Variants in FBXL7 observed in about 807,000 individuals in gnomAD.
FBXL7 encodes F-box/LRR-repeat protein 7.
Under a neutral mutation model 38.3 loss-of-function variants are expected in FBXL7, and 12 were observed. That is an observed-to-expected ratio of 0.31 (90% CI 0.20 to 0.51). FBXL7 has a LOEUF of 0.51. Among genes scored for constraint, FBXL7 ranks in the 20% least tolerant of loss-of-function variants. The pLI, the probability that FBXL7 is intolerant of heterozygous loss-of-function variation, is 0.98. For missense variants in FBXL7, 567 were observed against 676.4 expected (o/e 0.84, Z 1.79); for synonymous variants, 297 against 300.9 (o/e 0.99, Z 0.13).
intron 2 of FBXL7, among the ~76,000 whole-genome samples, chr5:15,875,899 T>G (rs1740182501): frequency 6.6e-6 from 1 of 152,210 alleles, no homozygotes; most frequent in Admixed American, 6.6e-5. Context: ...ATCCCATTAC[T>G]GGGTATATAC....
intron 1 of FBXL7, among the ~76,000 whole-genome samples, chr5:15,537,058 G>A (rs1737607422): frequency 2.6e-5 from 4 of 152,298 alleles, no homozygotes; most frequent in African/African-American, 9.6e-5. Context: ...TGCCTTGTAA[G>A]TCATGCCTTG....
At chr5:15,553,176 AG>A (rs1316374118) in intron 1 of FBXL7, among the ~76,000 whole-genome samples, 1 of 151,846 alleles carries the variant, frequency 6.6e-6, no homozygotes, top group East Asian at 1.9e-4. Context: ...TTTGGACCCC[AG>A]CCCTCTTGTC....
intron 2 of FBXL7, among the ~76,000 whole-genome samples, chr5:15,806,635 C>G (rs1237042050): frequency 1.3e-5 from 2 of 152,080 alleles, no homozygotes; most frequent in African/African-American, 4.8e-5. Flanking sequence ...AGGTATAAAA[C>G]AGGGCTTTTC....
chr5:15,776,927 A>G (rs1736870957), intron 2 of FBXL7, among the ~76,000 whole-genome samples: 1 of 152,132 alleles, frequency 6.6e-6, no homozygotes, highest in Non-Finnish European at 1.5e-5. Flanking sequence ...ATATCTTAAT[A>G]TAACACTGTG....
At chr5:15,516,062 T>C (rs1736927934) in intron 1 of FBXL7, among the ~76,000 whole-genome samples, 1 of 152,160 alleles carries the variant, frequency 6.6e-6, no homozygotes, top group Non-Finnish European at 1.5e-5. Context: ...GTCTGTAAAT[T>C]AACTCAAAAT....
rs145747974 is a variant in FBXL7, at chr5:15,535,270, T to C, written c.37+34557T>C. ...ATTGTTACAAGGAATGGGGTACTGCTATAAAGATAACCTGAAAATGTGGAA... is the reference window on the plus strand; with the variant it reads ...ATTGTTACAAGGAATGGGGTACTGCCATAAAGATAACCTGAAAATGTGGAA... On this transcript the variant is annotated intron_variant, in intron 1 of 3. Coordinates refer to ENST00000504595, the MANE Select transcript of FBXL7 (RefSeq NM_012304.5). 2.9e-3 allele frequency among the ~76,000 whole-genome samples: 436 copies of C among 152,302 alleles called. 1 individual carries two copies. Among genetic ancestry groups the C allele is most frequent in the Non-Finnish European group, 4.0e-3 (275 of 68,036 alleles).
intron 2 of FBXL7, among the ~76,000 whole-genome samples, chr5:15,775,844 G>A (rs893151655): frequency 1.3e-5 from 2 of 152,126 alleles, no homozygotes; most frequent in African/African-American, 4.8e-5. Context: ...TTATTCTCCT[G>A]CACTCCATTC....
intron 2 of FBXL7, among the ~76,000 whole-genome samples, chr5:15,690,346 C>T (rs17704215): frequency 0.25 from 37,443 of 152,130 alleles, 5,548 homozygotes; most frequent in South Asian, 0.38. Flanking sequence ...TCAAAATTCT[C>T]CAGTTAACAC....
chr5:15,901,262 T>C (rs1741226536), intron 2 of FBXL7, among the ~76,000 whole-genome samples: 2 of 152,178 alleles, frequency 1.3e-5, no homozygotes. Context: ...TGGTGCCTGG[T>C]GGGGGCCTGC....
rs151291144 is a variant in FBXL7 at position 15,519,447 on chromosome 5, A to C, written c.37+18734A>C. Among the ~76,000 whole-genome samples, 205 of 145,568 alleles carry C rather than the reference A, an allele frequency of 1.4e-3. 3 individuals carry two copies. The East Asian group carries it at 0.029, about 21-fold the overall frequency. ...ATTCTGCCAGAGACTTAGAAAACAA[A>C]AAAAAAAAACAAACAAACAAACAAA... On this transcript the variant is annotated intron_variant, in intron 1 of 3. Transcript: ENST00000504595.
chr5:15,663,496 C>T (rs149121413), intron 2 of FBXL7, among the ~76,000 whole-genome samples: 5 of 152,106 alleles, frequency 3.3e-5, no homozygotes, highest in African/African-American at 4.8e-5. Flanking sequence ...AGGTATATTC[C>T]TTCGATGCCT....
At chr5:15,528,937 A>G (rs1354509714) in intron 1 of FBXL7, among the ~76,000 whole-genome samples, 1 of 152,206 alleles carries the variant, frequency 6.6e-6, no homozygotes, top group Admixed American at 6.5e-5. Flanking sequence ...CTGTTATAAG[A>G]ACATAAAATC....
rs541799940 is a variant in FBXL7 at position 15,823,257 on chromosome 5, G to A, written c.128-104633G>A. ...AACCAGACACTCCACTGAGTCCAAT[G>A]TGTGTCAACAGGGAATATCTATTAG... On this transcript the variant is annotated intron_variant, in intron 2 of 3. Coordinates refer to ENST00000504595, the MANE Select transcript of FBXL7 (RefSeq NM_012304.5). Among the ~76,000 whole-genome samples, 12 of 152,280 alleles carry A rather than the reference G, an allele frequency of 7.9e-5. No individual in the cohort carries two copies. The South Asian group carries it at 1.9e-3, about 24-fold the overall frequency.
At chr5:15,913,525 C>T (rs1176280812) in intron 2 of FBXL7, among the ~76,000 whole-genome samples, 1 of 151,966 alleles carries the variant, frequency 6.6e-6, no homozygotes. Flanking sequence ...GACTATTGCT[C>T]CCTGTGGGGC....
At chr5:15,671,263 C>G (rs1019725517) in intron 2 of FBXL7, among the ~76,000 whole-genome samples, 2 of 152,180 alleles carry the variant, frequency 1.3e-5, no homozygotes, top group Admixed American at 1.3e-4. Context: ...TAAGCTCTTT[C>G]ACTGTATCCC....
At chr5:15,765,497 C>T (rs1736563785) in intron 2 of FBXL7, among the ~76,000 whole-genome samples, 1 of 152,206 alleles carries the variant, frequency 6.6e-6, no homozygotes, top group Non-Finnish European at 1.5e-5. Context: ...ACCAGGTTCT[C>T]TGAATATTTC....
chr5:15,762,889 T>G (rs1736487832), intron 2 of FBXL7, among the ~76,000 whole-genome samples: 1 of 152,220 alleles, frequency 6.6e-6, no homozygotes, highest in African/African-American at 2.4e-5. Context: ...GTGTAAAATC[T>G]AATTATTGCT....
intron 2 of FBXL7, among the ~76,000 whole-genome samples, chr5:15,807,302 C>T (rs1737739783): frequency 6.6e-6 from 1 of 152,178 alleles, no homozygotes; most frequent in Non-Finnish European, 1.5e-5. Flanking sequence ...ACCCTTTCTA[C>T]ATGGTGAAAT....
At chr5:15,532,555 G>T (rs1461503055) in intron 1 of FBXL7, among the ~76,000 whole-genome samples, 1 of 152,200 alleles carries the variant, frequency 6.6e-6, no homozygotes, top group Non-Finnish European at 1.5e-5. Flanking sequence ...AGGCTAGATA[G>T]AAATCATCCC....
Sources: gnomAD v4.1 joint callset for allele counts (sites outside exome capture counted in the v4.1 genomes callset) on GRCh38, gnomAD v4.1.1 for gene constraint, MANE v1.5 for transcripts, NCBI Gene and HGNC (gene_info 2026-07-23, HGNC 2026-07-21) for gene names.